Variants in CNTNAP2 observed in about 807,000 individuals in gnomAD.
The protein encoded by CNTNAP2 is contactin associated protein 2, also known as contactin-associated protein-like 2.
In CNTNAP2, 98 loss-of-function variants were observed where a neutral mutation model predicts 155.2. That is an observed-to-expected ratio of 0.63 (90% confidence interval 0.54 to 0.75). The LOEUF is 0.75. CNTNAP2 is among the 30% of genes least tolerant of loss of function. The pLI, the probability that CNTNAP2 is intolerant of heterozygous loss-of-function variation, is 0.00. For missense variants in CNTNAP2, 1,727 were observed against 1,688.1 expected (o/e 1.02, Z -0.40); for synonymous variants, 651 against 631.2 (o/e 1.03, Z -0.47).
At chr7:147,575,081 T>G (rs1800361692) in intron 12 of CNTNAP2, among the ~76,000 whole-genome samples, 1 of 151,516 alleles carries the variant, frequency 6.6e-6, no homozygotes. Flanking sequence ...TAGTATTGAT[T>G]CATATTCTCC....
intron 1 of CNTNAP2, among the ~76,000 whole-genome samples, chr7:146,743,761 A>C (rs1208099465): frequency 6.6e-6 from 1 of 152,206 alleles, no homozygotes; most frequent in Non-Finnish European, 1.5e-5. Context: ...AGGGAACAGC[A>C]TCCAAGACAG....
In CNTNAP2 at chr7:148,306,351, G is replaced by A. The variant is rs148201840; in HGVS notation, c.3475+39225G>A. Among the ~76,000 whole-genome samples the A allele has an allele frequency of 1.6e-4, 25 of 152,238 alleles. No homozygotes were observed. The East Asian group carries it at 2.3e-3, about 14-fold the overall frequency. On this transcript the variant is annotated intron_variant, in intron 21 of 23. Transcript: ENST00000361727. ...ATGGGGCCTTTTAATCTGGAAAGCCGTTCTTGAACTCTAGGAATAGATTTT... is the reference window on the plus strand; with the variant it reads ...ATGGGGCCTTTTAATCTGGAAAGCCATTCTTGAACTCTAGGAATAGATTTT...
chr7:147,184,194 A>G (rs991495540), intron 8 of CNTNAP2, among the ~76,000 whole-genome samples: 2 of 152,140 alleles, frequency 1.3e-5, no homozygotes, highest in Non-Finnish European at 2.9e-5. Context: ...TGGGCTGTTC[A>G]AAGATACATA....
chr7:148,397,954 G>A (rs924441693), intron 22 of CNTNAP2, among the ~76,000 whole-genome samples: 1 of 152,222 alleles, frequency 6.6e-6, no homozygotes, highest in African/African-American at 2.4e-5. Flanking sequence ...TTAGCATGGA[G>A]CTTTTATACT....
intron 13 of CNTNAP2, among the ~76,000 whole-genome samples, chr7:147,645,731 T>C (rs1179909498): frequency 6.6e-6 from 1 of 152,184 alleles, no homozygotes; most frequent in Non-Finnish European, 1.5e-5. Flanking sequence ...TATCAGGAAG[T>C]GTGACATATA....
At chr7:146,313,329 T>C (rs1800858048) in intron 1 of CNTNAP2, among the ~76,000 whole-genome samples, 1 of 152,200 alleles carries the variant, frequency 6.6e-6, no homozygotes, top group Admixed American at 6.5e-5. Flanking sequence ...CAGTTTTTCA[T>C]ATATCTATTG....
chr7:147,899,398 C>A (rs142535842), intron 13 of CNTNAP2, among the ~76,000 whole-genome samples: 1 of 152,120 alleles, frequency 6.6e-6, no homozygotes, highest in Non-Finnish European at 1.5e-5. Context: ...TCACCAGGGG[C>A]TGGGAAGACG....
intron 12 of CNTNAP2, among the ~76,000 whole-genome samples, chr7:147,596,008 T>TGGCACTA (rs1396189348): frequency 6.6e-6 from 1 of 152,200 alleles, no homozygotes. Flanking sequence ...TCCATTTCCA[T>TGGCACTA]GGCACTAAAT....
At chr7:147,754,567 T>A (rs1417012937) in intron 13 of CNTNAP2, among the ~76,000 whole-genome samples, 2 of 152,250 alleles carry the variant, frequency 1.3e-5, no homozygotes, top group East Asian at 3.8e-4. Flanking sequence ...TTTTGGATCC[T>A]GATTCAAACA....
At chr7:147,588,721 G>A (rs80352696) in intron 12 of CNTNAP2, among the ~76,000 whole-genome samples, 477 of 152,250 alleles carry the variant, frequency 3.1e-3, no homozygotes, top group African/African-American at 0.011. Context: ...AGGCATCTAA[G>A]CCTCTTCAGG....
At chr7:146,672,133 C>T (rs1018075618) in intron 1 of CNTNAP2, among the ~76,000 whole-genome samples, 10 of 152,208 alleles carry the variant, frequency 6.6e-5, no homozygotes, top group South Asian at 6.2e-4. Flanking sequence ...CTCATTTTAT[C>T]TGAGGTTATC....
intron 1 of CNTNAP2, among the ~76,000 whole-genome samples, chr7:146,623,831 A>G (rs966254517): frequency 1.3e-5 from 2 of 152,120 alleles, no homozygotes; most frequent in Non-Finnish European, 2.9e-5. Context: ...ATTGTCTTGC[A>G]AGGTGGTTGT....
At chr7:148,252,355 T>C (rs1796378327) in intron 20 of CNTNAP2, among the ~76,000 whole-genome samples, 1 of 152,190 alleles carries the variant, frequency 6.6e-6, no homozygotes, top group Admixed American at 6.5e-5. Flanking sequence ...AGGGTCTTGA[T>C]CAGGTCACCT....
At chr7:148,175,262 G>A (rs984665149) in intron 18 of CNTNAP2, among the ~76,000 whole-genome samples, 1 of 152,038 alleles carries the variant, frequency 6.6e-6, no homozygotes, top group African/African-American at 2.4e-5. Context: ...ACATTTTCCA[G>A]TCTTTGCACA....
chr7:148,344,410 C>T (rs1309778167), intron 21 of CNTNAP2, among the ~76,000 whole-genome samples: 2 of 152,306 alleles, frequency 1.3e-5, no homozygotes, highest in East Asian at 1.9e-4. Flanking sequence ...TGCTCAGAGT[C>T]CTTCTCCAAT....
chr7:146,919,917 G>A (rs1796467377), intron 3 of CNTNAP2, among the ~76,000 whole-genome samples: 1 of 152,120 alleles, frequency 6.6e-6, no homozygotes. Context: ...ATGCTGCTCT[G>A]TCCATCTAAG....
intron 1 of CNTNAP2, among the ~76,000 whole-genome samples, chr7:146,442,853 A>G (rs1796339799): frequency 6.6e-6 from 1 of 152,118 alleles, no homozygotes; most frequent in Admixed American, 6.6e-5. Flanking sequence ...ATTTCACAGT[A>G]TTTCCAAAGA....
intron 19 of CNTNAP2, among the ~76,000 whole-genome samples, chr7:148,226,588 A>C (rs1040371110): frequency 1.2e-4 from 18 of 152,002 alleles, no homozygotes; most frequent in African/African-American, 4.4e-4. Flanking sequence ...AAAATGATGG[A>C]GTTTAACGGG....
Position 146,186,180 on chromosome 7 carries a change from T to C in CNTNAP2, c.97+69207T>C, listed in dbSNP as rs376680915. On this transcript the variant is annotated intron_variant, in intron 1 of 23. Coordinates refer to ENST00000361727, the MANE Select transcript of CNTNAP2 (RefSeq NM_014141.6). Reference sequence around the variant, plus strand: ...CTGCATATTACTGATATTGCATTCATGTTTGCCTATTTCCATTTTCTTAAT... The same window carrying C: ...CTGCATATTACTGATATTGCATTCACGTTTGCCTATTTCCATTTTCTTAAT... 3.9e-5 allele frequency among the ~76,000 whole-genome samples: 6 copies of C among 152,314 alleles called. No individual in the cohort carries two copies. The South Asian group carries it at 1.2e-3, about 32-fold the overall frequency.
Sources: gnomAD v4.1 joint callset for allele counts (sites outside exome capture counted in the v4.1 genomes callset) on GRCh38, gnomAD v4.1.1 for gene constraint, MANE v1.5 for transcripts, NCBI Gene and HGNC (gene_info 2026-07-23, HGNC 2026-07-21) for gene names.